TANK: variants seen among roughly 807,000 people sequenced by gnomAD.
The protein encoded by TANK is TRAF family member-associated NF-kappa-B activator.
Under a neutral mutation model 43.6 loss-of-function variants are expected in TANK, and 15 were observed. The ratio of observed to expected loss-of-function variants is 0.34; its 90% CI spans 0.23 to 0.53. The LOEUF (loss-of-function observed/expected upper bound fraction) is 0.53, where lower values mean the gene tolerates loss of function less well. TANK is among the 20% of genes least tolerant of loss of function. The pLI is 0.94. For missense variants in TANK, 417 were observed against 498.6 expected (o/e 0.84, Z 1.56); for synonymous variants, 162 against 178.2 (o/e 0.91, Z 0.73).
At chr2:161,161,427 A>C (rs1259025013) in intron 1 of TANK, 2 of 1,550,798 alleles carry the variant, frequency 1.3e-6, no homozygotes, top group Non-Finnish European at 1.7e-6. Context: ...CAGAGAAGCA[A>C]GCAGTGCATT....
intron 4 of TANK, among the ~76,000 whole-genome samples, chr2:161,210,653 C>T (rs1298878486): frequency 4.0e-5 from 6 of 148,308 alleles, no homozygotes; most frequent in Admixed American, 6.8e-5. Flanking sequence ...GCTGAGATCA[C>T]GCCACTGCAC....
intron 1 of TANK, among the ~76,000 whole-genome samples, chr2:161,138,216 G>A (rs1475810100): frequency 1.3e-5 from 2 of 151,966 alleles, no homozygotes; most frequent in African/African-American, 4.8e-5. Flanking sequence ...ATTTTCTTAA[G>A]AATAATCATA....
chr2:161,150,317 G>T (rs943071141), intron 1 of TANK, among the ~76,000 whole-genome samples: 2 of 151,996 alleles, frequency 1.3e-5, no homozygotes, highest in Non-Finnish European at 2.9e-5. Context: ...TTGGTTGGTG[G>T]TAATGTCCTC....
chr2:161,138,448 T>G (rs935441062), intron 1 of TANK, among the ~76,000 whole-genome samples: 2 of 152,190 alleles, frequency 1.3e-5, no homozygotes, highest in Admixed American at 1.3e-4. Context: ...ATGGAGATTC[T>G]TATGATAGAA....
chr2:161,195,792 T>C (rs1188795050), intron 2 of TANK, among the ~76,000 whole-genome samples: 1 of 152,132 alleles, frequency 6.6e-6, no homozygotes, highest in Non-Finnish European at 1.5e-5. Flanking sequence ...TTAAACTTGA[T>C]ACTTGGGGCC....
chr2:161,174,735 A>C (rs78279702), intron 1 of TANK, among the ~76,000 whole-genome samples: 2,210 of 152,192 alleles, frequency 0.015, 51 homozygotes, highest in African/African-American at 0.051. Flanking sequence ...ATCATGGGGA[A>C]AGCTTTAGCG....
intron 4 of TANK, chr2:161,212,351 GT>G (rs1326218062): frequency 1.0e-6 from 1 of 983,328 alleles, no homozygotes. Flanking sequence ...GTGTGCCACT[GT>G]GCCTGGCTGA....
intron 1 of TANK, chr2:161,139,936 A>G (rs1347483963): frequency 6.2e-6 from 6 of 969,414 alleles, no homozygotes; most frequent in African/African-American, 1.8e-5. Context: ...CTTATATCCA[A>G]CTTATATTAA....
At chr2:161,207,329 G>T (rs1405194513) in intron 4 of TANK, 1 of 886,656 alleles carries the variant, frequency 1.1e-6, no homozygotes, top group Non-Finnish European at 1.4e-6. Flanking sequence ...TAACTTCAGC[G>T]AGTTCTCTTA....
intron 4 of TANK, among the ~76,000 whole-genome samples, chr2:161,208,524 C>T (rs1686745798): frequency 6.6e-6 from 1 of 152,124 alleles, no homozygotes. Flanking sequence ...TCCAGACTTA[C>T]CCCAAAACTT....
intron 1 of TANK, chr2:161,140,090 C>A: frequency 4.0e-6 from 1 of 247,874 alleles, no homozygotes; most frequent in Non-Finnish European, 6.4e-6. Flanking sequence ...GAACATATCA[C>A]TGATAGGTTT....
chr2:161,210,362 T>C (rs1207742627), intron 4 of TANK, among the ~76,000 whole-genome samples: 1 of 152,040 alleles, frequency 6.6e-6, no homozygotes, highest in Non-Finnish European at 1.5e-5. Flanking sequence ...TTAACAGAAA[T>C]ACAAAAAACA....
intron 1 of TANK, among the ~76,000 whole-genome samples, chr2:161,154,453 A>G (rs1684167753): frequency 6.6e-6 from 1 of 152,216 alleles, no homozygotes; most frequent in African/African-American, 2.4e-5. Context: ...TGTAGGTGGT[A>G]AAGAAACATA....
rs80355526 is a variant in TANK, at chr2:161,167,083, G to A, written c.-50+6597G>A. Among the ~76,000 whole-genome samples, 75 of 152,324 alleles carry A rather than the reference G, an allele frequency of 4.9e-4. No individual in the cohort carries two copies. In the East Asian group the frequency reaches 0.013, roughly 26 times the overall value. On this transcript the variant is annotated intron_variant, in intron 1 of 7. Transcript: ENST00000392749. Reference sequence around the variant, plus strand: ...AGAACATTTACCCAGAAACAGAATAGGCTCAGCAGTTGGGGAAACCCAGCA... The same window carrying A: ...AGAACATTTACCCAGAAACAGAATAAGCTCAGCAGTTGGGGAAACCCAGCA...
intron 2 of TANK, among the ~76,000 whole-genome samples, chr2:161,181,701 C>T (rs1685435476): frequency 6.6e-6 from 1 of 152,100 alleles, no homozygotes; most frequent in Admixed American, 6.6e-5. Context: ...GGAAAATCCG[C>T]CTCCATGATC....
At chr2:161,186,991 G>A (rs1229917510) in intron 2 of TANK, among the ~76,000 whole-genome samples, 1 of 152,164 alleles carries the variant, frequency 6.6e-6, no homozygotes, top group Non-Finnish European at 1.5e-5. Context: ...AGTTAAAATA[G>A]TTTTCTTGAT....
intron 2 of TANK, among the ~76,000 whole-genome samples, chr2:161,186,225 A>G (rs1394610414): frequency 1.3e-5 from 2 of 152,244 alleles, no homozygotes; most frequent in African/African-American, 2.4e-5. Flanking sequence ...CCCATGGCCT[A>G]CTAAGGCAGA....
At chr2:161,222,208 A>G (rs578071527) in intron 4 of TANK, among the ~76,000 whole-genome samples, 2 of 152,030 alleles carry the variant, frequency 1.3e-5, no homozygotes, top group African/African-American at 4.8e-5. Flanking sequence ...TTCTGTAACT[A>G]TCTCCAGTTT....
At chr2:161,137,031 T>C (rs1484477367) in exon 1 of TANK, 2 of 985,306 alleles carry the variant, frequency 2.0e-6, no homozygotes, top group Non-Finnish European at 1.2e-6. Context: ...AGAGGAATAG[T>C]CTACAAAGGA....
Sources: gnomAD v4.1 joint callset for allele counts (sites outside exome capture counted in the v4.1 genomes callset) on GRCh38, gnomAD v4.1.1 for gene constraint, MANE v1.5 for transcripts, NCBI Gene and HGNC (gene_info 2026-07-23, HGNC 2026-07-21) for gene names.